The following SVIL variants were observed in gnomAD, a reference collection of about 807,000 sequenced individuals.
The protein encoded by SVIL is supervillin.
SVIL carries 101 observed loss-of-function variants against 240.4 expected under a neutral mutation model. The ratio of observed to expected loss-of-function variants is 0.42; its 90% CI spans 0.36 to 0.50. The LOEUF (loss-of-function observed/expected upper bound fraction) is 0.50. Ranked by LOEUF, SVIL falls within the 20% of genes least tolerant of loss-of-function variation. The pLI is 0.01. For missense variants in SVIL, 2,512 were observed against 2,818.7 expected (o/e 0.89, Z 2.46); for synonymous variants, 999 against 1,100.0 (o/e 0.91, Z 1.82).
At chr10:29,538,283 T>A (rs1283316413) in intron 6 of SVIL, among the ~76,000 whole-genome samples, 2 of 152,190 alleles carry the variant, frequency 1.3e-5, no homozygotes, top group African/African-American at 4.8e-5. Context: ...GAATGTTGGC[T>A]CAGCATTTAT....
At chr10:29,584,492 C>CG (rs199562188) in intron 1 of SVIL, among the ~76,000 whole-genome samples, 23 of 152,142 alleles carry the variant, frequency 1.5e-4, no homozygotes, top group South Asian at 2.1e-4. Context: ...TGGAGATTGT[C>CG]GGGGAGGTGC....
intron 1 of SVIL, among the ~76,000 whole-genome samples, chr10:29,626,227 A>T (rs1335956247): frequency 2.0e-5 from 3 of 152,346 alleles, no homozygotes; most frequent in African/African-American, 7.2e-5. Flanking sequence ...CCTACATCAG[A>T]CACACATAAC....
chr10:29,529,901 T>C (rs2132556062), intron 11 of SVIL, 57 bp from the exon 12 acceptor site: 3 of 1,524,500 alleles, frequency 2.0e-6, no homozygotes, highest in East Asian at 2.4e-5. Flanking sequence ...CTGGGCACGG[T>C]GGCTCACGCC....
intron 1 of SVIL, among the ~76,000 whole-genome samples, chr10:29,623,840 G>A (rs1467887730): frequency 6.6e-6 from 1 of 152,112 alleles, no homozygotes; most frequent in Non-Finnish European, 1.5e-5. Flanking sequence ...CACAGAGCAA[G>A]ACTCCATCTC....
intron 2 of SVIL, among the ~76,000 whole-genome samples, chr10:29,666,799 C>A (rs1404392835): frequency 6.6e-6 from 1 of 152,144 alleles, no homozygotes; most frequent in Non-Finnish European, 1.5e-5. Flanking sequence ...AAGTCATATT[C>A]CGAGGTTTCT....
chr10:29,462,934 G>GAT (rs3031537), intron 35 of SVIL, among the ~76,000 whole-genome samples: 58,257 of 151,910 alleles, frequency 0.38, 11,448 homozygotes, highest in East Asian at 0.54. Flanking sequence ...AATTAAATAA[G>GAT]ATTAATTACT....
Position 29,539,025 on chromosome 10 carries a change from C to G in SVIL, c.828-2956G>C, listed in dbSNP as rs550362561. Among the ~76,000 whole-genome samples the G allele has an allele frequency of 3.1e-3, 475 of 152,080 alleles. 3 individuals carry two copies. The highest frequency in any genetic ancestry group is 5.4e-3 in the Non-Finnish European group (369 of 67,998). On this transcript the variant is annotated intron_variant, in intron 6 of 37. Coordinates refer to ENST00000355867, the MANE Select transcript of SVIL (RefSeq NM_021738.3). ...TTAAAAAATTAAAAAGTTAGTGAAG[C>G]ATGGTGGCATGTGTCTGTAGACCTA... is the stretch of plus-strand genomic sequence containing the variant.
At chr10:29,546,892 A>G (rs961384287) in intron 6 of SVIL, among the ~76,000 whole-genome samples, 3 of 152,214 alleles carry the variant, frequency 2.0e-5, no homozygotes, top group African/African-American at 7.2e-5. Flanking sequence ...GCAGTGAGAA[A>G]AATATTCCAT....
Position 29,532,769 on chromosome 10 carries a change from T to C in SVIL, c.1598A>G (p.His533Arg), listed in dbSNP as rs1951466498. 1 of 1,614,040 alleles carries C rather than the reference T, an allele frequency of 6.2e-7. No homozygotes were observed. Among genetic ancestry groups the C allele is most frequent in the Non-Finnish European group, 8.5e-7 (1 of 1,180,034 alleles). Residue 533 changes from histidine to arginine, a missense_variant, in exon 8 of 38, where the codon CAC becomes CGC. Transcript: ENST00000355867. ...GCGCTTTTTCGAGGCTTCCCTGTTG[T>C]GACCAGTTGGTTTGGCGTCTTGGGA... ...PVSQDAKPTG[H>R]NREASKKRKV...
chr10:29,682,096 T>G (rs1409739884), intron 2 of SVIL, among the ~76,000 whole-genome samples: 1 of 152,220 alleles, frequency 6.6e-6, no homozygotes, highest in Non-Finnish European at 1.5e-5. Context: ...ACACCCATGC[T>G]GGCTCTGGGC....
intron 2 of SVIL, among the ~76,000 whole-genome samples, chr10:29,681,994 G>A (rs1268863668): frequency 6.6e-6 from 1 of 152,122 alleles, no homozygotes. Context: ...GTGACACCCA[G>A]CACACGCCCT....
At position 29,572,298 on chromosome 10, in the gene SVIL, T is replaced by G. The variant is rs4558073; in HGVS notation, c.-200-2986A>C. Among the ~76,000 whole-genome samples, 505 of 152,154 alleles carry G rather than the reference T, an allele frequency of 3.3e-3. 6 individuals are homozygous for G. The highest frequency in any genetic ancestry group is 0.011 in the African/African-American group (477 of 41,496). On this transcript the variant is annotated intron_variant, in intron 1 of 37. Transcript: ENST00000355867. ...TTATAGTCATAAAATCAGGAAAAAC[T>G]ATGGCAAATAGGATAGTTAAAAAAA...
At position 29,524,468 on chromosome 10, in the gene SVIL, C is replaced by A; in HGVS notation, c.2586+4G>T. On this transcript the variant is annotated splice_donor_region_variant and intron_variant, in intron 14 of 37. Transcript: ENST00000355867. ...AAACTGCAATCGGACTATAGCACAC[C>A]CACCTGCTCCACCTCTCCCAGTGTG... The A allele has an allele frequency of 1.9e-6, 3 of 1,609,796 alleles. No individual in the cohort carries two copies. Among genetic ancestry groups the A allele is most frequent in the African/African-American group, 2.8e-5 (2 of 71,582 alleles).
chr10:29,658,432 A>G (rs941607718), intron 2 of SVIL, among the ~76,000 whole-genome samples: 7 of 152,258 alleles, frequency 4.6e-5, no homozygotes, highest in African/African-American at 1.7e-4. Context: ...AAATATGAGT[A>G]CTTTCTAAAT....
intron 1 of SVIL, among the ~76,000 whole-genome samples, chr10:29,609,637 C>T (rs1247436): frequency 0.11 from 17,380 of 152,226 alleles, 1,129 homozygotes; most frequent in Admixed American, 0.15. Context: ...TCTGAGCTTT[C>T]GGGCACCACC....
At chr10:29,643,464 G>A (rs1958552980) in intron 3 of SVIL, among the ~76,000 whole-genome samples, 1 of 152,164 alleles carries the variant, frequency 6.6e-6, no homozygotes, top group African/African-American at 2.4e-5. Flanking sequence ...CTCTATGGGA[G>A]AAGACAGAGA....
chr10:29,622,614 G>A (rs1957705862), intron 1 of SVIL, among the ~76,000 whole-genome samples: 1 of 152,172 alleles, frequency 6.6e-6, no homozygotes, highest in African/African-American at 2.4e-5. Context: ...GGTTCCCAGA[G>A]GACAACTTTA....
At chr10:29,734,221 C>T (rs568163669) in intron 1 of SVIL, among the ~76,000 whole-genome samples, 28 of 152,170 alleles carry the variant, frequency 1.8e-4, no homozygotes, top group Admixed American at 3.3e-4. Context: ...CCTTAGTTCT[C>T]TTCATATACA....
intron 4 of SVIL, 54 bp downstream of exon 4, chr10:29,554,997 T>C (rs1953769234): frequency 6.2e-7 from 1 of 1,611,354 alleles, no homozygotes; most frequent in African/African-American, 1.3e-5. Flanking sequence ...GAAAATGGAA[T>C]ACTGCTTTGC....
Sources: gnomAD v4.1 joint callset for allele counts (sites outside exome capture counted in the v4.1 genomes callset) on GRCh38, gnomAD v4.1.1 for gene constraint, MANE v1.5 for transcripts, NCBI Gene and HGNC (gene_info 2026-07-23, HGNC 2026-07-21) for gene names.